Variants in MYPN observed in about 807,000 individuals in gnomAD.
MYPN encodes the protein sarcomeric protein myopalladin, 145 kDa (MYOP).
In MYPN, 63 loss-of-function variants were observed where a neutral mutation model predicts 129.4. The observed-to-expected ratio is 0.49, with a 90% confidence interval of 0.40 to 0.60. The LOEUF is 0.60. MYPN is among the 20% of genes least tolerant of loss of function. The pLI is 0.00. For synonymous variants in MYPN, 629 were observed against 600.9 expected (o/e 1.05, Z -0.68); for missense variants, 1,596 against 1,635.4 (o/e 0.98, Z 0.42).
intron 12 of MYPN, 141 bp downstream of exon 12, chr10:68,175,602 G>T (rs2043216142): frequency 1.1e-6 from 1 of 907,406 alleles, no homozygotes; most frequent in Admixed American, 2.0e-5. Context: ...CTAACCAAAG[G>T]TCATGTGAGA....
chr10:68,156,360 G>A (rs539517404), intron 6 of MYPN, among the ~76,000 whole-genome samples: 14 of 152,214 alleles, frequency 9.2e-5, no homozygotes, highest in Admixed American at 5.9e-4. Flanking sequence ...CCAGTTTGCC[G>A]GGAGCACCCA....
chr10:68,149,205 G>A (rs931806026), intron 5 of MYPN, among the ~76,000 whole-genome samples: 1 of 152,104 alleles, frequency 6.6e-6, no homozygotes, highest in Admixed American at 6.5e-5. Flanking sequence ...CTGGGCAACA[G>A]AATAAGACCC....
intron 18 of MYPN, among the ~76,000 whole-genome samples, chr10:68,204,463 T>TTTGGGA (rs1176390493): frequency 6.3e-4 from 96 of 152,218 alleles, no homozygotes; most frequent in African/African-American, 2.3e-3. Context: ...GGCTTACGCC[T>TTTGGGA]GTAATCCCAG....
intron 2 of MYPN, among the ~76,000 whole-genome samples, chr10:68,132,455 T>A (rs1398204052): frequency 6.6e-6 from 1 of 152,226 alleles, no homozygotes; most frequent in Non-Finnish European, 1.5e-5. Flanking sequence ...TTTCTCATAT[T>A]TTTGTCAGAA....
At chr10:68,168,339 C>A (rs570622074) in intron 10 of MYPN, among the ~76,000 whole-genome samples, 1 of 152,284 alleles carries the variant, frequency 6.6e-6, no homozygotes, top group South Asian at 2.1e-4. Context: ...CCCAAACAAC[C>A]TCCTGGGGAA....
rs1034092503 is a variant in MYPN at position 68,165,327 on chromosome 10, C to T, written c.1484-375C>T. 4.4e-4 allele frequency among the ~76,000 whole-genome samples: 67 copies of T among 152,354 alleles called. 1 individual carries two copies. Among genetic ancestry groups the T allele is most frequent in the African/African-American group, 1.6e-3 (65 of 41,590 alleles). On this transcript the variant is annotated intron_variant, in intron 8 of 19. Coordinates refer to ENST00000358913, the MANE Select transcript of MYPN (RefSeq NM_032578.4). ...ATTAGCCGGGCTTGGTGGCACATGCCTGTAGTCCCAGCTACTCGGGAGGCT... is the reference window on the plus strand; with the variant it reads ...ATTAGCCGGGCTTGGTGGCACATGCTTGTAGTCCCAGCTACTCGGGAGGCT...
chr10:68,198,660 C>A (rs1180515191), intron 16 of MYPN, among the ~76,000 whole-genome samples: 1 of 152,152 alleles, frequency 6.6e-6, no homozygotes, highest in Non-Finnish European at 1.5e-5. Context: ...GGTAAATGGG[C>A]ACCAGGATTT....
intron 16 of MYPN, among the ~76,000 whole-genome samples, chr10:68,198,696 T>A (rs1208320335): frequency 6.6e-6 from 1 of 152,194 alleles, no homozygotes; most frequent in Non-Finnish European, 1.5e-5. Context: ...ATGATTGTAA[T>A]ACACAGCAAG....
intron 1 of MYPN, among the ~76,000 whole-genome samples, chr10:68,092,966 CTGG>C (rs1023937874): frequency 6.6e-6 from 1 of 152,288 alleles, no homozygotes; most frequent in African/African-American, 2.4e-5. Flanking sequence ...AGCAAGACCC[CTGG>C]AGGGCCATGA....
At chr10:68,104,030 A>G (rs2041994920), upstream of MYPN, among the ~76,000 whole-genome samples, 1 of 152,190 alleles carries the variant, frequency 6.6e-6, no homozygotes, top group African/African-American at 2.4e-5. Flanking sequence ...CTTTGGGAAA[A>G]CTATGCTTCT....
At chr10:68,166,781 C>T in intron 10 of MYPN, 115 bp downstream of exon 10, 1 of 1,424,146 alleles carries the variant, frequency 7.0e-7, no homozygotes, top group Non-Finnish European at 9.7e-7. Flanking sequence ...GTAATCCGAG[C>T]ACTTTGGGAG....
chr10:68,167,676 G>C (rs1008025916), intron 10 of MYPN, among the ~76,000 whole-genome samples: 6 of 152,226 alleles, frequency 3.9e-5, no homozygotes, highest in African/African-American at 1.2e-4. Flanking sequence ...ATCACCATGA[G>C]ATGTTCACTA....
chr10:68,173,973 C>A, intron 10 of MYPN, 93 bp from the exon 11 acceptor site: 2 of 1,094,114 alleles, frequency 1.8e-6, no homozygotes, highest in South Asian at 1.3e-5. Flanking sequence ...CGCCTATCAT[C>A]AAGTTATAAA....
upstream of MYPN, chr10:68,106,263 A>G: frequency 2.3e-6 from 1 of 426,322 alleles, no homozygotes; most frequent in Non-Finnish European, 4.6e-6. Context: ...TTAGTTTTTA[A>G]AACTAAGTGG....
intron 1 of MYPN, among the ~76,000 whole-genome samples, chr10:68,093,591 A>AAAAG (rs1564635864): frequency 6.6e-6 from 1 of 150,920 alleles, no homozygotes; most frequent in African/African-American, 2.4e-5. Context: ...AAAAAAAAAA[A>AAAAG]AAAGAAATAC....
At chr10:68,197,309 A>T in intron 15 of MYPN, 43 bp from the exon 16 acceptor site, 1 of 1,607,468 alleles carries the variant, frequency 6.2e-7, no homozygotes, top group Non-Finnish European at 8.5e-7. Flanking sequence ...AAGTTTGTAA[A>T]TTTATTTCTA....
chr10:68,117,581 G>A (rs2042176469), intron 1 of MYPN, among the ~76,000 whole-genome samples: 1 of 152,112 alleles, frequency 6.6e-6, no homozygotes, highest in Non-Finnish European at 1.5e-5. Flanking sequence ...AGCAGTCCAA[G>A]CAAAGAGAAT....
chr10:68,209,782 C>A (rs2043878513), intron 19 of MYPN, among the ~76,000 whole-genome samples: 1 of 150,994 alleles, frequency 6.6e-6, no homozygotes, highest in African/African-American at 2.4e-5. Context: ...GCAACCTCTG[C>A]CTCCTGGGTT....
chr10:68,090,999 A>G (rs1454236822), intron 1 of MYPN, among the ~76,000 whole-genome samples: 1 of 152,220 alleles, frequency 6.6e-6, no homozygotes, highest in Non-Finnish European at 1.5e-5. Context: ...CCAAGAGAGT[A>G]CTAGGTCAGC....
Sources: gnomAD v4.1 joint callset for allele counts (sites outside exome capture counted in the v4.1 genomes callset) on GRCh38, gnomAD v4.1.1 for gene constraint, MANE v1.5 for transcripts, NCBI Gene and HGNC (gene_info 2026-07-23, HGNC 2026-07-21) for gene names.